Variants in PKHD1 observed in about 807,000 individuals in gnomAD.
PKHD1 encodes the protein PKHD1 ciliary IPT domain containing fibrocystin/polyductin, also known as fibrocystin.
Under a neutral mutation model 412.0 loss-of-function variants are expected in PKHD1, and 291 were observed. The observed-to-expected ratio is 0.71, with a 90% CI of 0.64 to 0.78. The LOEUF (loss-of-function observed/expected upper bound fraction) is 0.78, where lower values mean the gene tolerates loss of function less well. Among genes scored for constraint, PKHD1 ranks in the 30% least tolerant of loss-of-function variants. PKHD1 has a pLI of 0.00. For missense variants in PKHD1, 4,825 were observed against 4,950.7 expected (o/e 0.97, Z 0.76); for synonymous variants, 1,777 against 1,821.5 (o/e 0.98, Z 0.62).
At chr6:51,814,766 G>GCCA (rs1288509403) in intron 52 of PKHD1, among the ~76,000 whole-genome samples, 1 of 152,130 alleles carries the variant, frequency 6.6e-6, no homozygotes, top group Non-Finnish European at 1.5e-5. Context: ...TGAATGAAAG[G>GCCA]CCACCGGCTC....
At position 51,861,166 on chromosome 6, in the gene PKHD1, T is replaced by G. The variant is rs1774131405; in HGVS notation, c.7734-5096A>C. ...TCCATTAGAAATATAACACTATCACTTGGTAAAACTTCCTGGTCAAAGTAC... is the reference window on the plus strand; with the variant it reads ...TCCATTAGAAATATAACACTATCACGTGGTAAAACTTCCTGGTCAAAGTAC... On this transcript the variant is annotated intron_variant, in intron 48 of 66. Coordinates refer to ENST00000371117, the MANE Select transcript of PKHD1 (RefSeq NM_138694.4). Among the ~76,000 whole-genome samples, 3 of 152,310 alleles carry G rather than the reference T, an allele frequency of 2.0e-5. No individual in the cohort carries two copies. The South Asian group carries it at 6.2e-4, about 32-fold the overall frequency.
At chr6:51,782,124 CA>C (rs1792133334) in intron 53 of PKHD1, among the ~76,000 whole-genome samples, 1 of 151,596 alleles carries the variant, frequency 6.6e-6, no homozygotes, top group South Asian at 2.1e-4. Flanking sequence ...ATTCATGAAT[CA>C]AAAGTACAGT....
intron 58 of PKHD1, 132 bp downstream of exon 58, chr6:51,747,655 A>G (rs1181497599): frequency 1.3e-6 from 1 of 750,778 alleles, no homozygotes; most frequent in Admixed American, 2.0e-5. Context: ...GTGGCTATCA[A>G]TACTCAGCAG....
chr6:52,032,895 T>G, intron 29 of PKHD1, 135 bp downstream of exon 29: 1 of 793,142 alleles, frequency 1.3e-6, no homozygotes, highest in Non-Finnish European at 2.2e-6. Context: ...ATGGCTAAGA[T>G]GAAAAAAGCA....
At position 51,659,343 on chromosome 6, in the gene PKHD1, T is replaced by A. The variant is rs1243189697; in HGVS notation, c.10783A>T (p.Ile3595Phe). 6.2e-7 allele frequency: 1 copy of A among 1,613,898 alleles called. No individual in the cohort carries two copies. Among genetic ancestry groups the A allele is most frequent in the East Asian group, 2.2e-5 (1 of 44,854 alleles). Residue 3595 changes from isoleucine (I) to phenylalanine (F), a missense_variant, in exon 61 of 67, where the codon ATC becomes TTC. Ile to Phe is a conservative substitution (Grantham distance 21). Coordinates refer to ENST00000371117, the MANE Select transcript of PKHD1 (RefSeq NM_138694.4). The stretch of plus-strand genomic sequence containing the variant: ...CCAGGCATCTCGTGAATAAACCTGA[T>A]TTGGTTTTGGCCAATCTGTAAGAAG... ...TNFLQIGQNQ[I>F]RFIHEMPGHE...
At chr6:51,660,788 C>A (rs555011189) in intron 60 of PKHD1, among the ~76,000 whole-genome samples, 4 of 152,140 alleles carry the variant, frequency 2.6e-5, no homozygotes, top group African/African-American at 9.7e-5. Context: ...CACTTCCATG[C>A]GTTCAGCCAC....
chr6:51,730,505 C>T (rs1783110789), intron 60 of PKHD1, among the ~76,000 whole-genome samples: 3 of 152,160 alleles, frequency 2.0e-5, no homozygotes, highest in Admixed American at 2.0e-4. Context: ...ACTAAATTGT[C>T]AAATGCATCT....
chr6:51,723,562 T>C (rs1332804190), intron 60 of PKHD1, among the ~76,000 whole-genome samples: 2 of 152,154 alleles, frequency 1.3e-5, no homozygotes, highest in Non-Finnish European at 2.9e-5. Flanking sequence ...AATGAATTAT[T>C]GAAAATTTCA....
At chr6:51,834,771 G>C (rs1393126832) in intron 51 of PKHD1, among the ~76,000 whole-genome samples, 3 of 152,084 alleles carry the variant, frequency 2.0e-5, no homozygotes, top group African/African-American at 7.2e-5. Context: ...TTTTGAAATA[G>C]TTTTCTGTTC....
intron 55 of PKHD1, among the ~76,000 whole-genome samples, chr6:51,759,512 C>T (rs1787618293): frequency 1.3e-5 from 2 of 151,926 alleles, no homozygotes; most frequent in African/African-American, 4.8e-5. Flanking sequence ...AGTTCACTTG[C>T]ACCATACAGA....
intron 47 of PKHD1, among the ~76,000 whole-genome samples, chr6:51,869,304 T>C (rs1775587793): frequency 6.6e-6 from 1 of 152,140 alleles, no homozygotes. Flanking sequence ...CAAACTTCTA[T>C]TCACCTTCCT....
intron 36 of PKHD1, among the ~76,000 whole-genome samples, chr6:51,950,013 G>A (rs1790070608): frequency 6.6e-6 from 1 of 151,530 alleles, no homozygotes; most frequent in Non-Finnish European, 1.5e-5. Flanking sequence ...CATGCTTATT[G>A]CAATACTTGC....
chr6:52,013,997 T>C (rs919210056), intron 34 of PKHD1, among the ~76,000 whole-genome samples: 3 of 152,214 alleles, frequency 2.0e-5, no homozygotes, highest in Non-Finnish European at 4.4e-5. Flanking sequence ...ATCAGAAGCC[T>C]TGAGTTCCAG....
In PKHD1 at chr6:52,017,470, A is replaced by G. The variant is rs766317609; in HGVS notation, c.5540T>C (p.Leu1847Pro). 6.2e-7 allele frequency: 1 copy of G among 1,614,096 alleles called. No individual in the cohort carries two copies. The highest frequency in any genetic ancestry group is 8.5e-7 in the Non-Finnish European group (1 of 1,179,926). Reference sequence around the variant, plus strand: ...CTCTGCCCAATGATCTGGCACAAAGAGGCATTGGGAACTTTCCTCGCAAAT... The same window carrying G: ...CTCTGCCCAATGATCTGGCACAAAGGGGCATTGGGAACTTTCCTCGCAAAT... ...LYICEESSQCLFVPDHWAESM... is the reference protein window; with the variant it reads ...LYICEESSQCPFVPDHWAESM... The change falls in exon 34 of 67, where the codon CTC (leucine) becomes CCC (proline). Residue 1847 changes from leucine (L) to proline (P), a missense_variant. Transcript: ENST00000371117.
chr6:51,909,120 G>T (rs965173895), intron 40 of PKHD1, among the ~76,000 whole-genome samples, 163 bp downstream of exon 40: 4 of 152,114 alleles, frequency 2.6e-5, no homozygotes, highest in Non-Finnish European at 5.9e-5. Context: ...CAAGTGATTT[G>T]TTTAGGCATA....
chr6:51,860,624 C>T (rs1227377485), intron 48 of PKHD1, among the ~76,000 whole-genome samples: 2 of 152,136 alleles, frequency 1.3e-5, no homozygotes, highest in African/African-American at 2.4e-5. Flanking sequence ...CCCTGAACTT[C>T]TCATGGCTTT....
chr6:51,897,308 G>A (rs1042818699), intron 43 of PKHD1, among the ~76,000 whole-genome samples: 20 of 151,908 alleles, frequency 1.3e-4, no homozygotes, highest in African/African-American at 3.4e-4. Context: ...GACTAACAGC[G>A]GATCTCTTGG....
At chr6:51,829,929 G>C (rs1767960028) in intron 52 of PKHD1, among the ~76,000 whole-genome samples, 2 of 152,052 alleles carry the variant, frequency 1.3e-5, no homozygotes, top group Admixed American at 1.3e-4. Flanking sequence ...AATTGTCCTG[G>C]GCCTCTGTTT....
intron 60 of PKHD1, chr6:51,721,657 C>G (rs2150828669): frequency 8.4e-7 from 1 of 1,190,916 alleles, no homozygotes; most frequent in South Asian, 2.6e-5. Flanking sequence ...CTTTCCTACT[C>G]CCCCATATCT....
Sources: gnomAD v4.1 joint callset for allele counts (sites outside exome capture counted in the v4.1 genomes callset) on GRCh38, gnomAD v4.1.1 for gene constraint, MANE v1.5 for transcripts, NCBI Gene and HGNC (gene_info 2026-07-23, HGNC 2026-07-21) for gene names.